Variants in EIF4G3 observed in about 807,000 individuals in gnomAD.
EIF4G3 encodes the protein eIF-4-gamma 3.
Under a neutral mutation model 186.4 loss-of-function variants are expected in EIF4G3, and 34 were observed. The ratio of observed to expected loss-of-function variants is 0.18; its 90% CI spans 0.14 to 0.24. The LOEUF is 0.24. EIF4G3 is among the 10% of genes least tolerant of loss of function. The pLI is 1.00. For synonymous variants in EIF4G3, 673 were observed against 679.5 expected, an observed-to-expected ratio of 0.99 and a Z score of 0.15; for missense variants, 1,536 against 1,948.5, an observed-to-expected ratio of 0.79 and a Z score of 3.99.
chr1:21,027,194 T>A (rs1028016967), intron 4 of EIF4G3, among the ~76,000 whole-genome samples: 1 of 28,364 alleles, frequency 3.5e-5, no homozygotes, highest in Non-Finnish European at 1.3e-4. Flanking sequence ...ACACATACAA[T>A]TTTTTTTTTT....
At chr1:21,064,925 T>C (rs928573118) in intron 3 of EIF4G3, 2 of 152,160 alleles carry the variant, frequency 1.3e-5, no homozygotes, top group Non-Finnish European at 2.9e-5. Context: ...TCAAAATCCA[T>C]AGTCAGAGCT....
Position 20,904,930 on chromosome 1 carries a change from T to C in EIF4G3, c.1705A>G (p.Lys569Glu), listed in dbSNP as rs774241963. The C allele has an allele frequency of 6.2e-7, 1 of 1,613,912 alleles. No individual in the cohort carries two copies. Among genetic ancestry groups the C allele is most frequent in the African/African-American group, 1.3e-5 (1 of 74,922 alleles). Residue 569 changes from lysine (K) to glutamate (E), a missense_variant, in exon 15 of 37, where the codon AAA (lysine) becomes GAA (glutamate). This residue lies in a region of EIF4G3 where 560 missense variants were observed against 547.8 expected (regional missense o/e 1.02). Transcript: ENST00000602326. ...ITVPKTWKKPKDRTRTTEEML... is the reference protein window; with the variant it reads ...ITVPKTWKKPEDRTRTTEEML... Reference sequence around the variant, plus strand: ...TCTTCAGTGGTTCGGGTCCGATCTTTTGGTTTCTTCCATGTCTTTGGTACA... The same window carrying C: ...TCTTCAGTGGTTCGGGTCCGATCTTCTGGTTTCTTCCATGTCTTTGGTACA...
intron 2 of EIF4G3, among the ~76,000 whole-genome samples, chr1:21,108,054 G>A (rs187704714): frequency 2.7e-4 from 41 of 152,330 alleles, no homozygotes; most frequent in African/African-American, 7.0e-4. Context: ...AGATTGAAGC[G>A]GAAGGATCGC....
intron 2 of EIF4G3, among the ~76,000 whole-genome samples, chr1:21,149,803 T>A (rs2097522792): frequency 6.6e-6 from 1 of 152,234 alleles, no homozygotes; most frequent in African/African-American, 2.4e-5. Flanking sequence ...GAGAGATAAT[T>A]CGCATTTAAG....
At chr1:20,830,009 G>A (rs368035873) in intron 30 of EIF4G3, among the ~76,000 whole-genome samples, 24 of 152,210 alleles carry the variant, frequency 1.6e-4, no homozygotes, top group East Asian at 7.7e-4. Context: ...AACAACTCAA[G>A]ACTTTGTTAA....
intron 14 of EIF4G3, among the ~76,000 whole-genome samples, chr1:20,937,800 A>G (rs2095565006): frequency 6.6e-6 from 1 of 152,210 alleles, no homozygotes; most frequent in South Asian, 2.1e-4. Flanking sequence ...CCCACCAGAT[A>G]CAGAGAATAA....
chr1:20,987,746 A>G (rs1015803083), intron 7 of EIF4G3, among the ~76,000 whole-genome samples: 1 of 152,176 alleles, frequency 6.6e-6, no homozygotes, highest in Non-Finnish European at 1.5e-5. Flanking sequence ...CAGACACAAT[A>G]ATATTGAAGT....
At position 21,039,274 on chromosome 1, in the gene EIF4G3, A is replaced by C. The variant is rs1298941409; in HGVS notation, c.-67+11592T>G. Among the ~76,000 whole-genome samples, 4 of 152,258 alleles carry C rather than the reference A, an allele frequency of 2.6e-5. No individual in the cohort carries two copies. The South Asian group carries it at 8.3e-4, about 31-fold the overall frequency. Reference sequence around the variant, plus strand: ...AAAAACGAAGCCAGGCCTTTATCTTAAACCATACATAAAAATTAAATCAAA... The same window carrying C: ...AAAAACGAAGCCAGGCCTTTATCTTCAACCATACATAAAAATTAAATCAAA... On this transcript the variant is annotated intron_variant, in intron 4 of 36. Transcript: ENST00000602326.
chr1:21,119,197 A>G (rs561457547), intron 2 of EIF4G3, among the ~76,000 whole-genome samples: 1 of 152,130 alleles, frequency 6.6e-6, no homozygotes, highest in East Asian at 1.9e-4. Context: ...TGTTTATAAC[A>G]CTACTTTAAG....
Position 20,851,451 on chromosome 1 carries a change from A to G in EIF4G3, c.3579T>C (p.Asn1193=), listed in dbSNP as rs1053581241. Residue 1193 remains asparagine, a synonymous_variant, in exon 28 of 37, where the codon AAT becomes AAC. Transcript: ENST00000602326. ...CTGTTGCAGATGGAAGGGGCTTGTC[A>G]TTCTTCTCCCTGCCCATACTTCCAC... The part of the protein sequence containing the change: ...TSRGSMGREK[N]DKPLPSATAR... The G allele has an allele frequency of 6.2e-7, 1 of 1,614,146 alleles. No individual in the cohort carries two copies. Among genetic ancestry groups the G allele is most frequent in the Non-Finnish European group, 8.5e-7 (1 of 1,180,032 alleles).
intron 2 of EIF4G3, among the ~76,000 whole-genome samples, chr1:21,119,160 C>T (rs1045245485): frequency 2.6e-5 from 4 of 151,946 alleles, no homozygotes; most frequent in Non-Finnish European, 4.4e-5. Flanking sequence ...AAAGATTATT[C>T]TGAAGCCTAT....
intron 2 of EIF4G3, among the ~76,000 whole-genome samples, chr1:21,124,746 A>C (rs2096995868): frequency 6.6e-6 from 1 of 152,252 alleles, no homozygotes; most frequent in African/African-American, 2.4e-5. Flanking sequence ...ATACCTAAAC[A>C]GTTAAATAAT....
rs397979515 is a variant in EIF4G3 at position 21,086,199 on chromosome 1, CTTTTTT to C, written c.-196+2933_-196+2938del. On this transcript the variant is annotated intron_variant, in intron 3 of 36. Coordinates refer to ENST00000602326, the MANE Select transcript of EIF4G3 (RefSeq NM_001391906.1). ...AAATATCCATTACCTACATGATACT[CTTTTTT>C]TTTTTTTTTTTTTTTTGAGGGTCTC... Among the ~76,000 whole-genome samples the C allele has an allele frequency of 1.3e-4, 12 of 95,202 alleles. No homozygotes were observed. The South Asian group carries it at 1.8e-3, about 14-fold the overall frequency. 62.5% of individuals were successfully genotyped at this position (95,202 alleles called of 152,430 possible). A position where few individuals can be genotyped will look rare whatever the true frequency, so the allele number is the denominator to read the frequency against.
chr1:21,151,642 G>A (rs746220176), intron 2 of EIF4G3, among the ~76,000 whole-genome samples: 4 of 151,754 alleles, frequency 2.6e-5, no homozygotes, highest in Non-Finnish European at 5.9e-5. Flanking sequence ...TGTCATGAAA[G>A]ATGACATGAG....
At chr1:20,834,382 G>GT (rs751767351) in intron 30 of EIF4G3, among the ~76,000 whole-genome samples, 3 of 152,096 alleles carry the variant, frequency 2.0e-5, no homozygotes, top group Non-Finnish European at 2.9e-5. Flanking sequence ...AGGTTGCAGT[G>GT]AGCCTTGATT....
At chr1:21,153,779 G>A (rs1011756051) in intron 2 of EIF4G3, among the ~76,000 whole-genome samples, 4 of 151,994 alleles carry the variant, frequency 2.6e-5, no homozygotes, top group African/African-American at 9.7e-5. Flanking sequence ...TGGCCAGGCT[G>A]GTCTCGAACT....
chr1:20,891,183 C>T (rs941753079), intron 18 of EIF4G3, among the ~76,000 whole-genome samples: 1 of 152,140 alleles, frequency 6.6e-6, no homozygotes, highest in Non-Finnish European at 1.5e-5. Flanking sequence ...AGAGACATTG[C>T]TTATTCTAAA....
intron 14 of EIF4G3, among the ~76,000 whole-genome samples, chr1:20,915,328 C>T (rs543533202): frequency 1.3e-5 from 2 of 151,984 alleles, no homozygotes; most frequent in South Asian, 4.2e-4. Context: ...ACCAACTTTC[C>T]CAGAATATTG....
intron 4 of EIF4G3, among the ~76,000 whole-genome samples, chr1:21,043,776 A>C (rs1286581793): frequency 1.3e-5 from 2 of 151,270 alleles, no homozygotes; most frequent in East Asian, 3.9e-4. Flanking sequence ...CAGGAGGCTA[A>C]GGCAGGAGGA....
Sources: gnomAD v4.1 joint callset for allele counts (sites outside exome capture counted in the v4.1 genomes callset) on GRCh38, gnomAD v4.1.1 for gene constraint, gnomAD v4.1.1 regional missense constraint, MANE v1.5 for transcripts, NCBI Gene and HGNC (gene_info 2026-07-23, HGNC 2026-07-21) for gene names.